GFOD1: variants seen among roughly 807,000 people sequenced by gnomAD.
The protein encoded by GFOD1 is Gfo/Idh/MocA-like oxidoreductase domain containing 1, also known as glucose-fructose oxidoreductase domain-containing protein 1.
A neutral mutation model predicts 25.4 loss-of-function variants in GFOD1; 9 were observed. That is an observed-to-expected ratio of 0.35 (90% confidence interval 0.21 to 0.62). GFOD1 has a LOEUF of 0.62. GFOD1 is among the 20% of genes least tolerant of loss of function. The probability of loss-of-function intolerance (pLI) is 0.72; values close to 1 mark genes in which losing one functional copy is unlikely to be tolerated. For synonymous variants in GFOD1, 253 were observed against 245.6 expected, an observed-to-expected ratio of 1.03 and a Z score of -0.28; for missense variants, 403 against 556.9, an observed-to-expected ratio of 0.72 and a Z score of 2.78.
chr6:13,453,707 T>C (rs1166199498), intron 1 of GFOD1, among the ~76,000 whole-genome samples: 4 of 152,234 alleles, frequency 2.6e-5, no homozygotes, highest in African/African-American at 7.2e-5. Context: ...TAAAGAACTT[T>C]ATGTGTATTA....
In GFOD1 at chr6:13,409,909, C is replaced by CGGGGGT. The variant is rs1238974759; in HGVS notation, c.254-44248_254-44247insACCCCC. 5.6e-5 allele frequency among the ~76,000 whole-genome samples: 7 copies of CGGGGGT among 125,108 alleles called. No individual in the cohort carries two copies. The East Asian group carries it at 7.3e-4, about 13-fold the overall frequency. The allele number at this position is 125,108 out of a possible 152,430, so 82.1% of individuals were successfully genotyped here. A position where few individuals can be genotyped will look rare whatever the true frequency, so the allele number is the denominator to read the frequency against. On this transcript the variant is annotated intron_variant, in intron 1 of 1. Coordinates refer to ENST00000379287, the MANE Select transcript of GFOD1 (RefSeq NM_018988.4). ...CTGCACTCTAGCCTGGGCGACAGAG[C>CGGGGGT]GGGGCTCCATTTCAAAAAAAAAAAA...
At position 13,478,758 on chromosome 6, in the gene GFOD1, A is replaced by G. The variant is rs1758683976; in HGVS notation, c.253+7880T>C. On this transcript the variant is annotated intron_variant, in intron 1 of 1. Coordinates refer to ENST00000379287, the MANE Select transcript of GFOD1 (RefSeq NM_018988.4). ...TTTCACCCACCACATGAACCTGTGA[A>G]GCAGAGGATGCTGGTGTAGAGAGGG... is the stretch of plus-strand genomic sequence containing the variant. Among the ~76,000 whole-genome samples, 4 of 152,222 alleles carry G rather than the reference A, an allele frequency of 2.6e-5. No individual in the cohort carries two copies. In the South Asian group the frequency reaches 8.3e-4, roughly 32 times the overall value.
chr6:13,418,600 T>A (rs999786774), intron 1 of GFOD1, among the ~76,000 whole-genome samples: 3 of 152,190 alleles, frequency 2.0e-5, no homozygotes, highest in African/African-American at 7.2e-5. Context: ...GACACCACTT[T>A]AAGGAATCAC....
intron 1 of GFOD1, among the ~76,000 whole-genome samples, chr6:13,476,452 T>C (rs890175253): frequency 3.3e-5 from 5 of 152,196 alleles, no homozygotes; most frequent in African/African-American, 4.8e-5. Flanking sequence ...GGAGTGAGGA[T>C]TGACTGCAAA....
chr6:13,485,619 T>C (rs1584680412), intron 1 of GFOD1, among the ~76,000 whole-genome samples: 1 of 152,120 alleles, frequency 6.6e-6, no homozygotes, highest in East Asian at 1.9e-4. Flanking sequence ...CCCTTCTCTT[T>C]CCCCTGAGCA....
chr6:13,454,543 C>T (rs1035419182), intron 1 of GFOD1, among the ~76,000 whole-genome samples: 1 of 152,036 alleles, frequency 6.6e-6, no homozygotes, highest in African/African-American at 2.4e-5. Context: ...GTAGCTATGT[C>T]TTAAAAAAAG....
chr6:13,442,539 C>G (rs1459838826), intron 1 of GFOD1, among the ~76,000 whole-genome samples: 1 of 152,168 alleles, frequency 6.6e-6, no homozygotes, highest in Non-Finnish European at 1.5e-5. Context: ...GAAGTCAATG[C>G]CTGGCTTCAA....
At position 13,359,437 on chromosome 6, in the gene GFOD1, G is replaced by A. The variant is rs1279450512; in HGVS notation, c.*5306C>T. 2 of 152,184 alleles carry A rather than the reference G, an allele frequency of 1.3e-5. No homozygotes were observed. Among genetic ancestry groups the A allele is most frequent in the Non-Finnish European group, 1.5e-5 (1 of 68,054 alleles). 9.4% of individuals were successfully genotyped at this position (152,184 alleles called of 1,614,324 possible). A position where few individuals can be genotyped will look rare whatever the true frequency, so the allele number is the denominator to read the frequency against. ...AGTAGGCGGTGTCAAGGCTAGATTTGTATTAATATCTAGGAGTGGGGTGGG... is the reference window on the plus strand; with the variant it reads ...AGTAGGCGGTGTCAAGGCTAGATTTATATTAATATCTAGGAGTGGGGTGGG... On this transcript the variant is annotated 3_prime_UTR_variant, in exon 2 of 2. Coordinates refer to ENST00000379287, the MANE Select transcript of GFOD1 (RefSeq NM_018988.4).
intron 1 of GFOD1, among the ~76,000 whole-genome samples, chr6:13,392,361 AAAGAAAAG>A (rs1785631304): frequency 1.3e-5 from 2 of 151,812 alleles, no homozygotes; most frequent in South Asian, 2.1e-4. Flanking sequence ...AAAAAAAAAA[AAAGAAAAG>A]AGAAAAAAGA....
At chr6:13,387,982 G>A (rs1402965691) in intron 1 of GFOD1, among the ~76,000 whole-genome samples, 2 of 152,060 alleles carry the variant, frequency 1.3e-5, no homozygotes, top group Non-Finnish European at 2.9e-5. Flanking sequence ...AACAGACAGA[G>A]AGCTAAATCA....
intron 1 of GFOD1, among the ~76,000 whole-genome samples, chr6:13,452,455 G>A (rs949056833): frequency 6.6e-6 from 1 of 152,202 alleles, no homozygotes; most frequent in Non-Finnish European, 1.5e-5. Context: ...ACAACAGGCA[G>A]TTGTAGCTCA....
At chr6:13,407,972 T>C in intron 1 of GFOD1, 1 of 985,474 alleles carries the variant, frequency 1.0e-6, no homozygotes, top group Non-Finnish European at 1.2e-6. Flanking sequence ...ATATCTCTTC[T>C]TGGGTCAGCA....
chr6:13,448,561 T>A (rs746305025), intron 1 of GFOD1, among the ~76,000 whole-genome samples: 1 of 152,186 alleles, frequency 6.6e-6, no homozygotes, highest in Non-Finnish European at 1.5e-5. Flanking sequence ...GTCTTCCACC[T>A]GATAAGGATC....
chr6:13,422,835 G>A (rs1435505792), intron 1 of GFOD1, among the ~76,000 whole-genome samples: 1 of 152,214 alleles, frequency 6.6e-6, no homozygotes, highest in Non-Finnish European at 1.5e-5. Context: ...AAGTGCCCTG[G>A]TGGGAATGTC....
chr6:13,362,795 G>C lies in GFOD1; in HGVS notation c.*1948C>G, dbSNP rs1472122996. 1 of 152,234 alleles carries C rather than the reference G, an allele frequency of 6.6e-6. No individual in the cohort carries two copies. Among genetic ancestry groups the C allele is most frequent in the African/African-American group, 2.4e-5 (1 of 41,468 alleles). The allele number at this position is 152,234 out of a possible 1,614,324, so 9.4% of individuals were successfully genotyped here. A position where few individuals can be genotyped will look rare whatever the true frequency, so the allele number is the denominator to read the frequency against. On this transcript the variant is annotated 3_prime_UTR_variant, in exon 2 of 2. Coordinates refer to ENST00000379287, the MANE Select transcript of GFOD1 (RefSeq NM_018988.4). ...TTGGACACACCACACTTGCACCTAT[G>C]AGTAGCCTGGGCTTCAAAGAATATT...
intron 1 of GFOD1, among the ~76,000 whole-genome samples, chr6:13,379,950 C>A (rs1197386945): frequency 6.6e-6 from 1 of 152,174 alleles, no homozygotes; most frequent in Non-Finnish European, 1.5e-5. Context: ...AAGCTTAGTT[C>A]ACTTACCTGT....
chr6:13,379,548 T>C (rs946068419), intron 1 of GFOD1, among the ~76,000 whole-genome samples: 1 of 152,160 alleles, frequency 6.6e-6, no homozygotes, highest in Non-Finnish European at 1.5e-5. Context: ...AGCAACCGAC[T>C]CTGTCTACAC....
chr6:13,413,915 T>C (rs1179479120), intron 1 of GFOD1, among the ~76,000 whole-genome samples: 1 of 152,184 alleles, frequency 6.6e-6, no homozygotes, highest in Non-Finnish European at 1.5e-5. Flanking sequence ...ATGCCTGATA[T>C]AAAGAGGCCA....
intron 1 of GFOD1, among the ~76,000 whole-genome samples, chr6:13,468,621 A>T (rs1758419514): frequency 6.6e-6 from 1 of 152,194 alleles, no homozygotes; most frequent in Non-Finnish European, 1.5e-5. Context: ...TTTGGTCCTG[A>T]CTTAGCTGTC....
Sources: gnomAD v4.1 joint callset for allele counts (sites outside exome capture counted in the v4.1 genomes callset) on GRCh38, gnomAD v4.1.1 for gene constraint, MANE v1.5 for transcripts, NCBI Gene and HGNC (gene_info 2026-07-23, HGNC 2026-07-21) for gene names.